CNTN5: variants seen among roughly 807,000 people sequenced by gnomAD.
CNTN5 encodes contactin 5.
Under a neutral mutation model 129.1 loss-of-function variants are expected in CNTN5, and 77 were observed. The observed-to-expected ratio is 0.60, with a 90% CI of 0.50 to 0.72. The LOEUF (loss-of-function observed/expected upper bound fraction) is 0.72, where lower values mean the gene tolerates loss of function less well. CNTN5 is among the 30% of genes least tolerant of loss of function. The probability of loss-of-function intolerance (pLI) is 0.00; values close to 1 mark genes in which losing one functional copy is unlikely to be tolerated. For missense variants in CNTN5, 1,478 were observed against 1,328.8 expected (o/e 1.11, Z -1.75); for synonymous variants, 509 against 465.6 (o/e 1.09, Z -1.20).
At chr11:99,545,905 G>A (rs1367830921) in intron 2 of CNTN5, among the ~76,000 whole-genome samples, 2 of 152,082 alleles carry the variant, frequency 1.3e-5, no homozygotes, top group Admixed American at 6.6e-5. Context: ...CTCCTAAGTC[G>A]TCCCACTCAT....
At chr11:99,507,439 A>G (rs554903754) in intron 2 of CNTN5, among the ~76,000 whole-genome samples, 174 of 151,280 alleles carry the variant, frequency 1.2e-3, no homozygotes, top group African/African-American at 3.8e-3. Flanking sequence ...AATATAATGT[A>G]TATTGACATT....
At chr11:99,052,045 C>T (rs1469014282) in intron 1 of CNTN5, among the ~76,000 whole-genome samples, 4 of 151,684 alleles carry the variant, frequency 2.6e-5, no homozygotes, top group African/African-American at 9.7e-5. Context: ...CAGAATTTGG[C>T]AAGAGTAGTT....
At chr11:100,161,432 T>A (rs1027253301) in intron 13 of CNTN5, among the ~76,000 whole-genome samples, 2 of 151,954 alleles carry the variant, frequency 1.3e-5, no homozygotes. Context: ...AACGGTTATA[T>A]ATCATAGTTC....
chr11:99,128,397 G>A (rs1409480178), intron 1 of CNTN5, among the ~76,000 whole-genome samples: 1 of 152,180 alleles, frequency 6.6e-6, no homozygotes, highest in African/African-American at 2.4e-5. Context: ...GCTTCTTTAG[G>A]TGGGACCCAG....
At chr11:100,233,291 G>A (rs549070524) in intron 16 of CNTN5, among the ~76,000 whole-genome samples, 5 of 151,776 alleles carry the variant, frequency 3.3e-5, no homozygotes, top group South Asian at 2.1e-4. Context: ...TAGGGTAAAA[G>A]GGAGGAAGAA....
At chr11:99,261,169 T>A (rs759846153) in intron 1 of CNTN5, among the ~76,000 whole-genome samples, 12 of 151,684 alleles carry the variant, frequency 7.9e-5, no homozygotes, top group Non-Finnish European at 1.5e-4. Flanking sequence ...AATGTAAAAC[T>A]AATGAACACA....
At chr11:100,013,071 G>C (rs1178780837) in intron 9 of CNTN5, among the ~76,000 whole-genome samples, 1 of 152,140 alleles carries the variant, frequency 6.6e-6, no homozygotes, top group Non-Finnish European at 1.5e-5. Context: ...ATTATCCTGA[G>C]TGAAACAACT....
At chr11:99,824,539 C>G (rs1157189750) in intron 4 of CNTN5, among the ~76,000 whole-genome samples, 2 of 151,842 alleles carry the variant, frequency 1.3e-5, no homozygotes, top group East Asian at 1.9e-4. Context: ...CAGAATGTAA[C>G]TTAACTTTTT....
chr11:99,032,661 A>T (rs1467369897), intron 1 of CNTN5, among the ~76,000 whole-genome samples: 5 of 151,520 alleles, frequency 3.3e-5, no homozygotes, highest in African/African-American at 1.2e-4. Context: ...TAGATTCTGG[A>T]TATTAGCCCT....
intron 2 of CNTN5, among the ~76,000 whole-genome samples, chr11:99,332,486 A>G (rs544814987): frequency 6.6e-5 from 10 of 152,274 alleles, no homozygotes; most frequent in African/African-American, 2.4e-4. Flanking sequence ...AGAATAAATT[A>G]CATAAGTAAC....
chr11:100,220,324 CT>C (rs1565351241), intron 15 of CNTN5, among the ~76,000 whole-genome samples: 2 of 151,678 alleles, frequency 1.3e-5, no homozygotes, highest in Non-Finnish European at 2.9e-5. Context: ...AATACTGTTA[CT>C]AGGAAAATAT....
Position 99,511,343 on chromosome 11 carries a change from T to A in CNTN5, c.-70-44802T>A, listed in dbSNP as rs181726268. Among the ~76,000 whole-genome samples, 1,066 of 152,262 alleles carry A rather than the reference T, an allele frequency of 7.0e-3. 14 individuals are homozygous for A. Among genetic ancestry groups the A allele is most frequent in the African/African-American group, 0.023 (976 of 41,536 alleles). On this transcript the variant is annotated intron_variant, in intron 2 of 24. Coordinates refer to ENST00000524871, the MANE Select transcript of CNTN5 (RefSeq NM_014361.4). Reference sequence around the variant, plus strand: ...AGCAGGTTGTTCAGTTTCCATGTAGTTGAGAGGTTTTGAGTGAGTTTCTTA... The same window carrying A: ...AGCAGGTTGTTCAGTTTCCATGTAGATGAGAGGTTTTGAGTGAGTTTCTTA...
intron 4 of CNTN5, among the ~76,000 whole-genome samples, chr11:99,843,787 A>C (rs1165969945): frequency 2.0e-5 from 3 of 152,190 alleles, no homozygotes; most frequent in Non-Finnish European, 4.4e-5. Context: ...CAAAACATCA[A>C]TGGTACAGAG....
intron 7 of CNTN5, among the ~76,000 whole-genome samples, chr11:99,932,139 C>T (rs1462360376): frequency 7.0e-6 from 1 of 142,490 alleles, no homozygotes; most frequent in South Asian, 2.2e-4. Context: ...ATTTCCAGTG[C>T]CAGAAATGCT....
At chr11:99,195,122 T>A (rs926939547) in intron 1 of CNTN5, among the ~76,000 whole-genome samples, 7 of 152,302 alleles carry the variant, frequency 4.6e-5, no homozygotes, top group African/African-American at 1.7e-4. Flanking sequence ...AAAAAACTTT[T>A]AAAAAGTAAT....
intron 6 of CNTN5, among the ~76,000 whole-genome samples, chr11:99,898,059 T>A (rs903583521): frequency 1.3e-5 from 2 of 152,022 alleles, no homozygotes; most frequent in African/African-American, 4.8e-5. Context: ...CAAAACCTCC[T>A]GAATACAGTG....
intron 1 of CNTN5, among the ~76,000 whole-genome samples, chr11:99,063,664 C>T (rs1864981034): frequency 2.0e-5 from 3 of 152,074 alleles, no homozygotes; most frequent in South Asian, 4.1e-4. Context: ...CATGTCTCCT[C>T]CTCTTGACAC....
chr11:99,495,179 C>A (rs1306055343), intron 2 of CNTN5, among the ~76,000 whole-genome samples: 1 of 152,098 alleles, frequency 6.6e-6, no homozygotes, highest in Non-Finnish European at 1.5e-5. Flanking sequence ...CCAGCCTGAC[C>A]AACATGATGA....
intron 13 of CNTN5, among the ~76,000 whole-genome samples, chr11:100,164,537 CAACT>C (rs1294935753): frequency 2.6e-5 from 4 of 151,632 alleles, no homozygotes; most frequent in Admixed American, 2.0e-4. Context: ...CAAAAGTGAA[CAACT>C]AAAGAGAAGT....
Sources: allele counts gnomAD v4.1 joint callset (sites outside exome capture counted in the v4.1 genomes callset), GRCh38; gene constraint gnomAD v4.1.1; transcripts MANE v1.5; gene names NCBI Gene and HGNC (gene_info 2026-07-23, HGNC 2026-07-21).